IL36B: variants seen among roughly 807,000 people sequenced by gnomAD.
IL36B encodes interleukin 36 beta, also known as interleukin-36 beta.
In IL36B, 23 loss-of-function variants were observed where a neutral mutation model predicts 19.3. The ratio of observed to expected loss-of-function variants is 1.19; its 90% CI spans 0.86 to 1.69. The LOEUF is 1.69. Among genes scored for constraint, IL36B ranks in the 40% most tolerant of loss-of-function variants. IL36B has a pLI of 0.00. For missense variants in IL36B, 217 were observed against 200.5 expected, an observed-to-expected ratio of 1.08 and a Z score of -0.50; for synonymous variants, 59 against 59.7, an observed-to-expected ratio of 0.99 and a Z score of 0.05.
intron 1 of IL36B, among the ~76,000 whole-genome samples, chr2:113,035,341 A>C (rs1685148353): frequency 6.6e-6 from 1 of 152,208 alleles, no homozygotes. Flanking sequence ...AAATGAAATC[A>C]GACTGTACCA....
rs746077689 is a variant in IL36B, at chr2:113,022,728, C to A, written c.441G>T (p.Lys147Asn). 6.2e-7 allele frequency: 1 copy of A among 1,613,354 alleles called. No individual in the cohort carries two copies. The highest frequency in any genetic ancestry group is 8.5e-7 in the Non-Finnish European group (1 of 1,179,464). The change falls in exon 6 of 6, where the codon AAG becomes AAT. Residue 147 changes from lysine to asparagine, a missense_variant. Physicochemically the swap from Lys to Asn is moderately conservative, Grantham distance 94. Coordinates refer to ENST00000259213, the MANE Select transcript of IL36B (RefSeq NM_014438.5). ...TCCGCATGGATGAGAAATCTTTGTC[C>A]TTCTTCCTGAGATGGTGATGTTGAA...
intron 1 of IL36B, among the ~76,000 whole-genome samples, chr2:113,038,725 G>T (rs959488689): frequency 6.6e-6 from 1 of 152,210 alleles, no homozygotes; most frequent in South Asian, 2.1e-4. Flanking sequence ...CTTTTGGAAG[G>T]TATAATCCCA....
intron 1 of IL36B, among the ~76,000 whole-genome samples, chr2:113,051,055 A>T (rs1252983736): frequency 1.3e-5 from 2 of 151,938 alleles, no homozygotes; most frequent in Non-Finnish European, 2.9e-5. Context: ...CGATCCTTGA[A>T]TCGGAGGCCG....
intron 4 of IL36B, 146 bp downstream of exon 4, chr2:113,028,793 A>G: frequency 1.4e-6 from 1 of 706,430 alleles, no homozygotes; most frequent in Non-Finnish European, 2.2e-6. Context: ...CAGCATTTAT[A>G]GATTCAGGGA....
intron 1 of IL36B, among the ~76,000 whole-genome samples, chr2:113,038,519 A>G (rs1424492288): frequency 2.0e-5 from 3 of 151,928 alleles, no homozygotes; most frequent in African/African-American, 7.3e-5. Context: ...CTGGTGGGAG[A>G]TCTCAAGCGC....
At chr2:113,042,771 T>C (rs1685282744) in intron 1 of IL36B, among the ~76,000 whole-genome samples, 1 of 152,246 alleles carries the variant, frequency 6.6e-6, no homozygotes, top group South Asian at 2.1e-4. Flanking sequence ...AGTCTTAGTA[T>C]GGACATATGC....
chr2:113,040,553 C>T (rs1685237194), intron 1 of IL36B, among the ~76,000 whole-genome samples: 2 of 152,150 alleles, frequency 1.3e-5, no homozygotes, highest in Admixed American at 6.5e-5. Context: ...GGAGGATACA[C>T]TATTTTTTAT....
At chr2:113,034,336 C>T (rs552531569) in intron 1 of IL36B, among the ~76,000 whole-genome samples, 1 of 152,302 alleles carries the variant, frequency 6.6e-6, no homozygotes, top group African/African-American at 2.4e-5. Flanking sequence ...TTCTTCCATG[C>T]ATATGCAAAA....
chr2:113,041,161 A>AC (rs1685249836), intron 1 of IL36B, among the ~76,000 whole-genome samples: 1 of 131,382 alleles, frequency 7.6e-6, no homozygotes, highest in Non-Finnish European at 1.6e-5. Context: ...TGCCACACAC[A>AC]AAAAAAAAGG....
At chr2:113,024,248 C>A (rs764723403) in intron 5 of IL36B, among the ~76,000 whole-genome samples, 69 of 152,218 alleles carry the variant, frequency 4.5e-4, no homozygotes, top group Non-Finnish European at 8.1e-4. Flanking sequence ...AGCATCAACA[C>A]CTCCGTGAAT....
rs1685079629 is a variant in IL36B at position 113,031,700 on chromosome 2, G to A, written c.10C>T (p.Gln4Ter). The A allele has an allele frequency of 3.1e-6, 5 of 1,610,486 alleles. No individual in the cohort carries two copies. The highest frequency in any genetic ancestry group is 4.2e-6 in the Non-Finnish European group (5 of 1,177,024). The change falls in exon 2 of 6, where the codon CAA (glutamine) becomes TAA (stop). Residue 4 changes from glutamine (Q) to a stop codon, truncating the protein, a stop_gained. Transcript: ENST00000259213. LOFTEE classifies it high-confidence loss of function. ...TGATTTGCAATTCACCACTTACGTTGTGGGTTCATGATGTCTTCAGAGCCT... is the reference window on the plus strand; with the variant it reads ...TGATTTGCAATTCACCACTTACGTTATGGGTTCATGATGTCTTCAGAGCCT...
intron 1 of IL36B, among the ~76,000 whole-genome samples, chr2:113,041,950 G>A (rs536760662): frequency 1.2e-4 from 19 of 152,288 alleles, no homozygotes; most frequent in African/African-American, 4.6e-4. Context: ...TGCCTGGAAA[G>A]GGGGTGGCAT....
intron 1 of IL36B, among the ~76,000 whole-genome samples, chr2:113,038,404 T>C (rs1685195956): frequency 6.6e-6 from 1 of 152,236 alleles, no homozygotes; most frequent in South Asian, 2.1e-4. Context: ...TGAGCCTTCA[T>C]ACTAGGAAGT....
Position 113,026,154 on chromosome 2 carries a change from C to T in IL36B, c.340G>A (p.Val114Met), listed in dbSNP as rs762406469. The change falls in exon 5 of 6, where the codon GTG becomes ATG. Residue 114 changes from valine to methionine, a missense_variant. Coordinates refer to ENST00000259213, the MANE Select transcript of IL36B (RefSeq NM_014438.5). ...GTTCCCATGAAGCAGCTCTCTCTCA[C>T]ATCCAGGTTTATGCATGTGTGAATT... 87 of 1,613,966 alleles carry T rather than the reference C, an allele frequency of 5.4e-5. No individual in the cohort carries two copies. Among genetic ancestry groups the T allele is most frequent in the Non-Finnish European group, 7.1e-5 (84 of 1,179,852 alleles).
chr2:113,022,478 T>A lies in IL36B; in HGVS notation c.*196A>T. ...AGGTTATGTAGTCCAAATCTACTCC[T>A]AAAAAGACTCCGACCTTCTCTAGCT... is the stretch of plus-strand genomic sequence containing the variant. On this transcript the variant is annotated 3_prime_UTR_variant, in exon 6 of 6. Transcript: ENST00000259213. The A allele has an allele frequency of 2.0e-6, 1 of 511,392 alleles. No homozygotes were observed. The highest frequency in any genetic ancestry group is 3.5e-6 in the Non-Finnish European group (1 of 285,188). 31.7% of individuals were successfully genotyped at this position (511,392 alleles called of 1,614,324 possible). A position where few individuals can be genotyped will look rare whatever the true frequency, so the allele number is the denominator to read the frequency against.
chr2:113,029,527 T>C (rs1035388213), intron 3 of IL36B, among the ~76,000 whole-genome samples: 1 of 152,162 alleles, frequency 6.6e-6, no homozygotes, highest in Admixed American at 6.5e-5. Context: ...ATAGATTGGA[T>C]GGAGAGTGAG....
At chr2:113,026,013 A>G (rs1450484048) in intron 5 of IL36B, 26 of 1,531,882 alleles carry the variant, frequency 1.7e-5, no homozygotes, top group Non-Finnish European at 2.1e-5. Context: ...TTATGTCTCA[A>G]TACTGCTGGG....
chr2:113,032,594 G>A (rs533756112), intron 1 of IL36B, among the ~76,000 whole-genome samples: 4 of 152,246 alleles, frequency 2.6e-5, no homozygotes, highest in African/African-American at 9.6e-5. Context: ...GAGGCACTTC[G>A]AGGCTAAACA....
intron 1 of IL36B, among the ~76,000 whole-genome samples, chr2:113,037,392 G>A (rs1023942757): frequency 6.6e-6 from 1 of 152,180 alleles, no homozygotes; most frequent in Non-Finnish European, 1.5e-5. Flanking sequence ...GCTCACACCT[G>A]TAATCCCAGA....
Sources: allele counts gnomAD v4.1 joint callset (sites outside exome capture counted in the v4.1 genomes callset), GRCh38; gene constraint gnomAD v4.1.1; transcripts MANE v1.5; gene names NCBI Gene and HGNC (gene_info 2026-07-23, HGNC 2026-07-21).